The following GPR39 variants were observed in gnomAD, a reference collection of about 807,000 sequenced individuals.
GPR39 encodes the protein zinc sensing receptor.
In GPR39, 23 loss-of-function variants were observed where a neutral mutation model predicts 18.4. That is an observed-to-expected ratio of 1.25 (90% CI 0.90 to 1.77). GPR39 has a LOEUF of 1.77. Ranked by LOEUF, GPR39 falls within the 40% of genes most tolerant of loss-of-function variation. GPR39 has a pLI of 0.00. For missense variants in GPR39, 647 were observed against 602.4 expected (o/e 1.07, Z -0.78); for synonymous variants, 280 against 257.9 (o/e 1.09, Z -0.82).
At chr2:132,481,404 A>C (rs1681230835) in intron 1 of GPR39, among the ~76,000 whole-genome samples, 1 of 152,208 alleles carries the variant, frequency 6.6e-6, no homozygotes, top group Non-Finnish European at 1.5e-5. Flanking sequence ...CTACAAAGAT[A>C]ATCACCCATT....
rs1427036261 is a variant in GPR39, at chr2:132,608,699, C to T, written c.857-36402C>T. Among the ~76,000 whole-genome samples, 4 of 152,182 alleles carry T rather than the reference C, an allele frequency of 2.6e-5. 1 individual carries two copies. The highest frequency in any genetic ancestry group is 4.1e-4 in the South Asian group (2 of 4,826). ...CACAGACCCACATTGATTCAGTTCTCAGCCATTTCAGTCACCCTAGGGCCC... is the reference window on the plus strand; with the variant it reads ...CACAGACCCACATTGATTCAGTTCTTAGCCATTTCAGTCACCCTAGGGCCC... On this transcript the variant is annotated intron_variant, in intron 1 of 1. Coordinates refer to ENST00000329321, the MANE Select transcript of GPR39 (RefSeq NM_001508.3).
At chr2:132,538,908 C>T (rs866672425) in intron 1 of GPR39, among the ~76,000 whole-genome samples, 2 of 152,168 alleles carry the variant, frequency 1.3e-5, no homozygotes, top group Admixed American at 6.5e-5. Flanking sequence ...GGTCGCCTCT[C>T]CCCCGACCAA....
At chr2:132,550,392 C>T (rs372217605) in intron 1 of GPR39, among the ~76,000 whole-genome samples, 245 of 152,338 alleles carry the variant, frequency 1.6e-3, no homozygotes, top group Non-Finnish European at 2.9e-3. Context: ...AACGGAGGTA[C>T]TTGCCTCTTG....
chr2:132,420,197 A>C (rs1460566789), intron 1 of GPR39, among the ~76,000 whole-genome samples: 1 of 152,200 alleles, frequency 6.6e-6, no homozygotes, highest in East Asian at 1.9e-4. Context: ...TCAGGTGCTC[A>C]ATGTGCGATA....
chr2:132,478,287 T>C (rs946124708), intron 1 of GPR39, among the ~76,000 whole-genome samples: 1 of 152,216 alleles, frequency 6.6e-6, no homozygotes, highest in Non-Finnish European at 1.5e-5. Flanking sequence ...ATAAATAAAG[T>C]GTCCAGAATA....
intron 1 of GPR39, among the ~76,000 whole-genome samples, chr2:132,486,167 A>G (rs1332001641): frequency 6.6e-6 from 1 of 152,228 alleles, no homozygotes; most frequent in Non-Finnish European, 1.5e-5. Context: ...AGTAGTATCA[A>G]CAGTGGGCTT....
chr2:132,515,145 T>C (rs1269709354), intron 1 of GPR39, among the ~76,000 whole-genome samples: 3 of 152,238 alleles, frequency 2.0e-5, no homozygotes, highest in Admixed American at 1.3e-4. Flanking sequence ...TAACCTGCCA[T>C]GTGACTTCAG....
intron 1 of GPR39, among the ~76,000 whole-genome samples, chr2:132,607,003 T>C (rs1037779607): frequency 6.6e-6 from 1 of 152,236 alleles, no homozygotes; most frequent in Non-Finnish European, 1.5e-5. Flanking sequence ...GTTATCTCAC[T>C]CTGATCTTGA....
chr2:132,503,872 A>C (rs1356932599), intron 1 of GPR39, among the ~76,000 whole-genome samples: 5 of 152,122 alleles, frequency 3.3e-5, no homozygotes, highest in African/African-American at 4.8e-5. Flanking sequence ...TCACCAAGGA[A>C]CTGGGGGAAA....
chr2:132,523,478 A>T (rs77971076), intron 1 of GPR39: 1 of 149,342 alleles, frequency 6.7e-6, no homozygotes, highest in African/African-American at 2.5e-5. Flanking sequence ...AGTAATGTAG[A>T]AAAAAAAAAG....
chr2:132,466,794 G>T (rs1341295188), intron 1 of GPR39, among the ~76,000 whole-genome samples: 1 of 152,078 alleles, frequency 6.6e-6, no homozygotes, highest in Non-Finnish European at 1.5e-5. Flanking sequence ...CAAATGTGTA[G>T]AGGACCAAGA....
At chr2:132,529,196 A>G (rs1038217200) in intron 1 of GPR39, among the ~76,000 whole-genome samples, 1 of 152,194 alleles carries the variant, frequency 6.6e-6, no homozygotes, top group African/African-American at 2.4e-5. Flanking sequence ...CAAACAGCAC[A>G]CCAGATTATA....
intron 1 of GPR39, among the ~76,000 whole-genome samples, chr2:132,566,668 G>T (rs183129401): frequency 8.3e-4 from 126 of 152,298 alleles, no homozygotes; most frequent in African/African-American, 3.0e-3. Flanking sequence ...GTGAGAGTGT[G>T]GGCTGGTGAA....
intron 1 of GPR39, among the ~76,000 whole-genome samples, chr2:132,591,954 G>A (rs1007638060): frequency 3.9e-5 from 6 of 152,168 alleles, no homozygotes; most frequent in Non-Finnish European, 7.4e-5. Flanking sequence ...ATTGTCTTCC[G>A]AGTAGCTATG....
intron 1 of GPR39, among the ~76,000 whole-genome samples, chr2:132,546,238 T>C (rs545048844): frequency 3.9e-5 from 6 of 152,010 alleles, no homozygotes; most frequent in Admixed American, 6.5e-5. Flanking sequence ...CACTCTAGAG[T>C]TGTAAGTCAG....
In GPR39 at chr2:132,493,383, C is replaced by T. The variant is rs202208141; in HGVS notation, c.856+75485C>T. 4.2e-5 allele frequency among the ~76,000 whole-genome samples: 6 copies of T among 143,406 alleles called. No homozygotes were observed. The East Asian group carries it at 6.1e-4, about 15-fold the overall frequency. 94.1% of individuals were successfully genotyped at this position (143,406 alleles called of 152,430 possible). On this transcript the variant is annotated intron_variant, in intron 1 of 1. Transcript: ENST00000329321. ...ATATATACACTATATATATACACAC[C>T]GTATATATACACACCATATATATAC...
chr2:132,560,121 A>G (rs1434356228), intron 1 of GPR39, among the ~76,000 whole-genome samples: 1 of 151,992 alleles, frequency 6.6e-6, no homozygotes, highest in African/African-American at 2.4e-5. Context: ...CTCTTTCCCA[A>G]TCCAAATAGC....
chr2:132,507,677 G>A (rs557840553), intron 1 of GPR39, among the ~76,000 whole-genome samples: 1 of 152,250 alleles, frequency 6.6e-6, no homozygotes, highest in Non-Finnish European at 1.5e-5. Flanking sequence ...AGCTCAAGAA[G>A]GTCACAGACC....
At chr2:132,420,233 T>A (rs1452149535) in intron 1 of GPR39, among the ~76,000 whole-genome samples, 1 of 152,240 alleles carries the variant, frequency 6.6e-6, no homozygotes, top group African/African-American at 2.4e-5. Context: ...TTACCGTTTG[T>A]ATTTAGCCCA....
Sources: gnomAD v4.1 joint callset for allele counts (sites outside exome capture counted in the v4.1 genomes callset) on GRCh38, gnomAD v4.1.1 for gene constraint, MANE v1.5 for transcripts, NCBI Gene and HGNC (gene_info 2026-07-23, HGNC 2026-07-21) for gene names.